The following DLGAP2 variants were observed in gnomAD, a reference collection of about 807,000 sequenced individuals.
DLGAP2 encodes the protein disks large-associated protein 2.
A neutral mutation model predicts 100.3 loss-of-function variants in DLGAP2; 26 were observed. The ratio of observed to expected loss-of-function variants is 0.26; its 90% CI spans 0.19 to 0.36. The LOEUF is 0.36. Among genes scored for constraint, DLGAP2 ranks in the 10% least tolerant of loss-of-function variants. The probability of loss-of-function intolerance (pLI) is 1.00; values close to 1 mark genes in which losing one functional copy is unlikely to be tolerated. For synonymous variants in DLGAP2, 886 were observed against 630.1 expected, an observed-to-expected ratio of 1.41 and a Z score of -6.08; for missense variants, 1,858 against 1,453.2, an observed-to-expected ratio of 1.28 and a Z score of -4.53.
chr8:1,354,339 C>G (rs1219785374), intron 3 of DLGAP2, among the ~76,000 whole-genome samples: 2 of 152,142 alleles, frequency 1.3e-5, no homozygotes, highest in African/African-American at 4.8e-5. Context: ...AACCCCATCT[C>G]TTCTAAAAAT....
intron 3 of DLGAP2, among the ~76,000 whole-genome samples, chr8:1,458,055 T>C (rs927847467): frequency 1.2e-4 from 18 of 146,096 alleles, no homozygotes; most frequent in Admixed American, 3.4e-4. Context: ...TATATATATA[T>C]GTATATGTAT....
chr8:1,489,599 C>G (rs145047484), intron 3 of DLGAP2, among the ~76,000 whole-genome samples: 2 of 152,100 alleles, frequency 1.3e-5, no homozygotes, highest in African/African-American at 4.8e-5. Flanking sequence ...CTTAGGCATA[C>G]AGGTTGGTGG....
chr8:751,333 C>G (rs1820783332), intron 1 of DLGAP2, among the ~76,000 whole-genome samples: 1 of 150,448 alleles, frequency 6.6e-6, no homozygotes, highest in Non-Finnish European at 1.5e-5. Flanking sequence ...GAGCATTTTC[C>G]TGGATCTCCG....
At chr8:1,664,372 T>A (rs1798490945) in intron 8 of DLGAP2, among the ~76,000 whole-genome samples, 1 of 152,078 alleles carries the variant, frequency 6.6e-6, no homozygotes, top group African/African-American at 2.4e-5. Flanking sequence ...ACGGCCAGGC[T>A]CACCCCCAGG....
At position 1,245,513 on chromosome 8, in the gene DLGAP2, A is replaced by T. The variant is rs1178556733; in HGVS notation, c.74-13338A>T. On this transcript the variant is annotated intron_variant, in intron 2 of 14. Coordinates refer to ENST00000637795, the MANE Select transcript of DLGAP2 (RefSeq NM_001346810.2). ...TCATGAAAACCACAGATAGGATTCC[A>T]TTTATATGCAGTGTTCAGAACAGGC... 2.6e-5 allele frequency among the ~76,000 whole-genome samples: 4 copies of T among 152,248 alleles called. No homozygotes were observed. The East Asian group carries it at 7.7e-4, about 29-fold the overall frequency.
At position 1,522,029 on chromosome 8, in the gene DLGAP2, G is replaced by A. The variant is rs573752612; in HGVS notation, c.172+20598G>A. ...GAATACTCGGGGGCAGGTGATTTGG[G>A]GCGTCTCTGGTTTGCACACTTGTTT... On this transcript the variant is annotated intron_variant, in intron 4 of 14. Coordinates refer to ENST00000637795, the MANE Select transcript of DLGAP2 (RefSeq NM_001346810.2). 2.1e-3 allele frequency among the ~76,000 whole-genome samples: 320 copies of A among 150,658 alleles called. 1 individual carries two copies. Among genetic ancestry groups the A allele is most frequent in the African/African-American group, 7.2e-3 (295 of 40,970 alleles).
In DLGAP2 at chr8:797,774, G is replaced by A. The variant is rs933490728; in HGVS notation, c.18+59949G>A. Among the ~76,000 whole-genome samples, 3 of 152,038 alleles carry A rather than the reference G, an allele frequency of 2.0e-5. No individual in the cohort carries two copies. In the East Asian group the frequency reaches 5.8e-4, roughly 29 times the overall value. On this transcript the variant is annotated intron_variant, in intron 1 of 14. Coordinates refer to ENST00000637795, the MANE Select transcript of DLGAP2 (RefSeq NM_001346810.2). Reference sequence around the variant, plus strand: ...TTATTTTATTTATTTTTTTGAGATGGAGTTTCACTCTTATTGCCCAGGCTG... The same window carrying A: ...TTATTTTATTTATTTTTTTGAGATGAAGTTTCACTCTTATTGCCCAGGCTG...
At chr8:1,154,024 A>G (rs1796738821) in intron 2 of DLGAP2, among the ~76,000 whole-genome samples, 1 of 152,160 alleles carries the variant, frequency 6.6e-6, no homozygotes, top group South Asian at 2.1e-4. Flanking sequence ...CTTTATTGAA[A>G]GGAAGCAAGC....
intron 3 of DLGAP2, among the ~76,000 whole-genome samples, chr8:1,376,644 A>G (rs963012306): frequency 6.6e-6 from 1 of 152,088 alleles, no homozygotes; most frequent in Non-Finnish European, 1.5e-5. Context: ...AGGGCTGCCA[A>G]GACCCTCACT....
At chr8:1,415,490 G>C (rs374227984) in intron 3 of DLGAP2, among the ~76,000 whole-genome samples, 2 of 152,114 alleles carry the variant, frequency 1.3e-5, no homozygotes, top group East Asian at 3.9e-4. Context: ...TAGCCCTGGT[G>C]TCTGCTGTTC....
intron 2 of DLGAP2, among the ~76,000 whole-genome samples, chr8:1,128,258 C>T (rs185409642): frequency 0.015 from 2,297 of 151,432 alleles, 47 homozygotes; most frequent in African/African-American, 0.054. Flanking sequence ...GTGTTGTGTT[C>T]GGTGAGGACC....
At chr8:1,342,634 G>A (rs186013095) in intron 3 of DLGAP2, among the ~76,000 whole-genome samples, 1 of 152,314 alleles carries the variant, frequency 6.6e-6, no homozygotes, top group Non-Finnish European at 1.5e-5. Flanking sequence ...CAGCAAGTGC[G>A]TTATCACATG....
intron 3 of DLGAP2, among the ~76,000 whole-genome samples, chr8:1,384,151 T>C (rs538165268): frequency 6.6e-6 from 1 of 152,386 alleles, no homozygotes; most frequent in East Asian, 1.9e-4. Context: ...CTGTATTTTT[T>C]AAAGTGAAAG....
intron 2 of DLGAP2, among the ~76,000 whole-genome samples, chr8:1,122,601 A>G (rs1390976275): frequency 1.3e-5 from 2 of 152,242 alleles, no homozygotes; most frequent in East Asian, 3.9e-4. Context: ...CCTGCTTACT[A>G]TGTGTAGGTC....
intron 3 of DLGAP2, among the ~76,000 whole-genome samples, chr8:1,339,053 A>G (rs1490399428): frequency 6.6e-6 from 1 of 151,548 alleles, no homozygotes; most frequent in Non-Finnish European, 1.5e-5. Context: ...GAATGCAGTG[A>G]CCTCAGTGAG....
chr8:1,279,673 C>G (rs1799776442), intron 3 of DLGAP2, among the ~76,000 whole-genome samples: 2 of 152,182 alleles, frequency 1.3e-5, no homozygotes, highest in Admixed American at 6.5e-5. Flanking sequence ...TGAGGCTTGG[C>G]TGAGTTGGTG....
chr8:751,367 G>A lies in DLGAP2; in HGVS notation c.18+13542G>A, dbSNP rs530151090. ...CGGCCATCCTCTCGTGGAAAGGAGC[G>A]TTTTCCTGGTGTTTGGCTGCTGCAA... is the stretch of plus-strand genomic sequence containing the variant. On this transcript the variant is annotated intron_variant, in intron 1 of 14. Transcript: ENST00000637795. Among the ~76,000 whole-genome samples, 118 of 152,212 alleles carry A rather than the reference G, an allele frequency of 7.8e-4. 1 individual carries two copies. The highest frequency in any genetic ancestry group is 2.8e-3 in the African/African-American group (116 of 41,514).
chr8:1,251,109 A>G (rs564074225), intron 2 of DLGAP2, among the ~76,000 whole-genome samples: 1 of 152,196 alleles, frequency 6.6e-6, no homozygotes, highest in Non-Finnish European at 1.5e-5. Context: ...GTTACTTTGT[A>G]TTCTTGTCTG....
chr8:1,323,647 G>A (rs1800957628), intron 3 of DLGAP2, among the ~76,000 whole-genome samples: 1 of 152,200 alleles, frequency 6.6e-6, no homozygotes, highest in South Asian at 2.1e-4. Flanking sequence ...CCAATGCCCT[G>A]TGGCCTCTTC....
Sources: gnomAD v4.1 joint callset for allele counts (sites outside exome capture counted in the v4.1 genomes callset) on GRCh38, gnomAD v4.1.1 for gene constraint, MANE v1.5 for transcripts, NCBI Gene and HGNC (gene_info 2026-07-23, HGNC 2026-07-21) for gene names.